Variants in MEMO1 observed in about 807,000 individuals in gnomAD.
MEMO1 encodes the protein mediator of cell motility 1.
Under a neutral mutation model 45.2 loss-of-function variants are expected in MEMO1, and 6 were observed. The ratio of observed to expected loss-of-function variants is 0.13; its 90% confidence interval spans 0.07 to 0.26. The LOEUF (loss-of-function observed/expected upper bound fraction) is 0.26, where lower values mean the gene tolerates loss of function less well. Among genes scored for constraint, MEMO1 ranks in the 10% least tolerant of loss-of-function variants. MEMO1 has a pLI of 1.00. For missense variants in MEMO1, 184 were observed against 370.5 expected (o/e 0.50, Z 4.13); for synonymous variants, 78 against 124.3 (o/e 0.63, Z 2.48).
intron 6 of MEMO1, among the ~76,000 whole-genome samples, chr2:31,912,867 C>T (rs1031843677): frequency 1.3e-5 from 2 of 152,090 alleles, no homozygotes; most frequent in Non-Finnish European, 1.5e-5. Context: ...TAACCATGCA[C>T]GTATATTTTT....
chr2:31,940,869 T>C (rs1233375772), intron 3 of MEMO1, among the ~76,000 whole-genome samples: 1 of 152,192 alleles, frequency 6.6e-6, no homozygotes, highest in Non-Finnish European at 1.5e-5. Context: ...TCTATCTTGT[T>C]GGTCCAACCT....
At chr2:31,994,126 A>G (rs1378601589) in intron 2 of MEMO1, among the ~76,000 whole-genome samples, 1 of 148,090 alleles carries the variant, frequency 6.8e-6, no homozygotes, top group Non-Finnish European at 1.5e-5. Flanking sequence ...ACGCCTGGCT[A>G]ATTTTTGTAT....
At chr2:31,988,089 GTTTC>G (rs1400691657) in intron 2 of MEMO1, among the ~76,000 whole-genome samples, 2 of 152,092 alleles carry the variant, frequency 1.3e-5, no homozygotes, top group Non-Finnish European at 2.9e-5. Flanking sequence ...AGAGTTCTTG[GTTTC>G]TTTTTTTCTT....
intron 2 of MEMO1, among the ~76,000 whole-genome samples, chr2:31,977,073 G>T (rs1238827488): frequency 6.6e-6 from 1 of 151,968 alleles, no homozygotes; most frequent in Non-Finnish European, 1.5e-5. Flanking sequence ...GAAAATGTTG[G>T]GAAGAAAAAG....
chr2:31,889,536 G>C (rs181587091), intron 7 of MEMO1, among the ~76,000 whole-genome samples: 1 of 152,120 alleles, frequency 6.6e-6, no homozygotes, highest in Admixed American at 6.5e-5. Context: ...ACTACAATAT[G>C]AATGTGAGAA....
At chr2:31,911,889 C>T (rs1211993809) in intron 6 of MEMO1, among the ~76,000 whole-genome samples, 1 of 152,092 alleles carries the variant, frequency 6.6e-6, no homozygotes, top group Non-Finnish European at 1.5e-5. Flanking sequence ...AATCCTCCTG[C>T]CTTAGCCTCC....
intron 2 of MEMO1, among the ~76,000 whole-genome samples, chr2:31,955,596 C>T (rs1391919114): frequency 6.6e-6 from 1 of 152,022 alleles, no homozygotes; most frequent in Non-Finnish European, 1.5e-5. Flanking sequence ...TGAAAACTAT[C>T]CATGTTTATT....
intron 3 of MEMO1, among the ~76,000 whole-genome samples, chr2:31,935,510 A>C (rs1664807296): frequency 6.6e-6 from 1 of 152,154 alleles, no homozygotes; most frequent in African/African-American, 2.4e-5. Context: ...GAGAGTCTTA[A>C]GTTGAAAAGG....
chr2:31,901,371 T>C (rs1678772918), intron 6 of MEMO1, among the ~76,000 whole-genome samples: 1 of 48,792 alleles, frequency 2.0e-5, no homozygotes, highest in East Asian at 7.6e-4. Context: ...AGACTCTGTC[T>C]CACAAAAAAA....
chr2:31,887,749 A>G (rs149471503), intron 7 of MEMO1, among the ~76,000 whole-genome samples: 427 of 152,288 alleles, frequency 2.8e-3, no homozygotes, highest in African/African-American at 9.8e-3. Context: ...GCATGTACAA[A>G]TATTTGAGAA....
At chr2:32,008,251 C>T (rs1674346570) in intron 2 of MEMO1, among the ~76,000 whole-genome samples, 1 of 152,232 alleles carries the variant, frequency 6.6e-6, no homozygotes, top group South Asian at 2.1e-4. Flanking sequence ...TCCAGAATCA[C>T]TTGCCCACAT....
intron 2 of MEMO1, among the ~76,000 whole-genome samples, chr2:31,973,905 T>C (rs899854362): frequency 1.1e-4 from 17 of 152,222 alleles, no homozygotes; most frequent in African/African-American, 3.9e-4. Context: ...TTGCACAACA[T>C]TGTGAATGTA....
chr2:31,941,754 G>T, intron 3 of MEMO1, among the ~76,000 whole-genome samples: 1 of 152,156 alleles, frequency 6.6e-6, no homozygotes, highest in Non-Finnish European at 1.5e-5. Flanking sequence ...TAAAAAAGTT[G>T]CATGTCACAT....
intron 2 of MEMO1, among the ~76,000 whole-genome samples, chr2:31,966,732 C>CA (rs758359349): frequency 0.035 from 4,147 of 117,790 alleles, 159 homozygotes; most frequent in African/African-American, 0.058. Context: ...GACTCTGTCT[C>CA]AAAAAAAAAA....
intron 6 of MEMO1, among the ~76,000 whole-genome samples, chr2:31,892,745 A>G (rs1026965953): frequency 6.6e-6 from 1 of 152,216 alleles, no homozygotes; most frequent in African/African-American, 2.4e-5. Flanking sequence ...AAAGAATTAA[A>G]GGAAGTAAGT....
Position 31,883,408 on chromosome 2 carries a change from G to T in MEMO1, c.635C>A (p.Ser212Tyr). 1 of 1,586,396 alleles carries T rather than the reference G, an allele frequency of 6.3e-7. No individual in the cohort carries two copies. The highest frequency in any genetic ancestry group is 8.6e-7 in the Non-Finnish European group (1 of 1,168,446). ...YDESQGEIYR[S>Y]IEHLDKMGMS... ...TACCATTTTATCTAGATGTTCAATG[G>T]ATCTATAAATCTCCCCCTGGGATTC... Residue 212 changes from serine (S) to tyrosine (Y), a missense_variant, in exon 8 of 10, where the codon TCC becomes TAC. This residue lies in a region of MEMO1 where 97 missense variants were observed against 209.3 expected (regional missense o/e 0.46). Transcript: ENST00000404530.
At chr2:31,959,517 A>G (rs1469169058) in intron 2 of MEMO1, among the ~76,000 whole-genome samples, 2 of 152,136 alleles carry the variant, frequency 1.3e-5, no homozygotes, top group Non-Finnish European at 1.5e-5. Flanking sequence ...AAAAAAGCCA[A>G]TCAATTGATT....
intron 1 of MEMO1, chr2:32,010,704 A>ACCCACC: frequency 3.6e-5 from 4 of 110,074 alleles, no homozygotes; most frequent in African/African-American, 1.0e-4. Context: ...GGCTCCCCGC[A>ACCCACC]CCCACCCCCA....
chr2:31,917,088 A>C (rs1681563021), intron 6 of MEMO1, among the ~76,000 whole-genome samples: 1 of 152,218 alleles, frequency 6.6e-6, no homozygotes, highest in Non-Finnish European at 1.5e-5. Context: ...CTTAGACTTT[A>C]TTAGTACATT....
Sources: allele counts gnomAD v4.1 joint callset (sites outside exome capture counted in the v4.1 genomes callset), GRCh38; gene constraint gnomAD v4.1.1; regional missense constraint gnomAD v4.1.1; transcripts MANE v1.5; gene names NCBI Gene and HGNC (gene_info 2026-07-23, HGNC 2026-07-21).